The following CELSR1 variants were observed in gnomAD, a reference collection of about 807,000 sequenced individuals.
CELSR1 encodes the protein cadherin EGF LAG seven-pass G-type receptor 1.
In CELSR1, 110 loss-of-function variants were observed where a neutral mutation model predicts 249.1. The ratio of observed to expected loss-of-function variants is 0.44; its 90% CI spans 0.38 to 0.52. The LOEUF (loss-of-function observed/expected upper bound fraction) is 0.52. Ranked by LOEUF, CELSR1 falls within the 20% of genes least tolerant of loss-of-function variation. The probability of loss-of-function intolerance (pLI) is 0.00; values close to 1 mark genes in which losing one functional copy is unlikely to be tolerated. For missense variants in CELSR1, 4,109 were observed against 4,296.4 expected (o/e 0.96, Z 1.22); for synonymous variants, 2,113 against 1,900.0 (o/e 1.11, Z -2.92).
rs141034088 is a variant in CELSR1, at chr22:46,397,136, C to T, written c.5702-390G>A. On this transcript the variant is annotated intron_variant, in intron 12 of 34. Coordinates refer to ENST00000674500, the MANE Select transcript of CELSR1 (RefSeq NM_001378328.1). ...TATTTATTTATTGAGAAGAGTCTTG[C>T]TCTGTTGCCCAGGCTGAGGTGCAGT... 9.7e-3 allele frequency among the ~76,000 whole-genome samples: 1,478 copies of T among 152,192 alleles called. 33 individuals carry two copies. Among genetic ancestry groups the T allele is most frequent in the African/African-American group, 0.033 (1,384 of 41,498 alleles).
Position 46,484,561 on chromosome 22 carries a change from TG to T in CELSR1, c.3545-20217del, listed in dbSNP as rs1325228784. Among the ~76,000 whole-genome samples the T allele has an allele frequency of 6.6e-6, 1 of 150,756 alleles. No individual in the cohort carries two copies. The highest frequency in any genetic ancestry group is 2.4e-5 in the African/African-American group (1 of 41,168). Reference sequence around the variant, plus strand: ...TAGGGTTAGTGCCTCAAGTTAGAGCTGGGGGCAGCCCGGGACAGCCTGGCAA... The same window carrying T: ...TAGGGTTAGTGCCTCAAGTTAGAGCTGGGGCAGCCCGGGACAGCCTGGCAA... On this transcript the variant is annotated intron_variant, in intron 1 of 34. Coordinates refer to ENST00000674500, the MANE Select transcript of CELSR1 (RefSeq NM_001378328.1). This position sits in a 1 kb window ranked among gnomAD's most constrained non-coding sequence, Gnocchi z 4.5.
At chr22:46,384,733 T>C in intron 19 of CELSR1, 47 bp from the exon 20 acceptor site, 4 of 1,564,782 alleles carry the variant, frequency 2.6e-6, no homozygotes, top group Non-Finnish European at 3.5e-6. Flanking sequence ...AGGGCTTTCT[T>C]GAACCCCTGC....
chr22:46,478,646 G>A (rs551754032), intron 1 of CELSR1, among the ~76,000 whole-genome samples: 10 of 151,496 alleles, frequency 6.6e-5, no homozygotes, highest in African/African-American at 1.9e-4. Flanking sequence ...GGGTTCAAGC[G>A]ATTCTCCTGC....
At chr22:46,456,677 A>C (rs2079957243) in intron 2 of CELSR1, among the ~76,000 whole-genome samples, 1 of 150,974 alleles carries the variant, frequency 6.6e-6, no homozygotes, top group Admixed American at 6.6e-5. Context: ...AAAAAAAAAA[A>C]AAAAAAAAAA....
Position 46,389,242 on chromosome 22 carries a change from C to T in CELSR1, c.6555+48G>A, listed in dbSNP as rs9626864. ...CCCACAGCACCCACCCACGGGCATC[C>T]GAGTGTCCCCGAGTGTCCCCGAGCC... On this transcript the variant is annotated intron_variant, in intron 18 of 34. Transcript: ENST00000674500. The T allele has an allele frequency of 1.8e-3, 2,791 of 1,587,108 alleles. 49 individuals are homozygous for T. The African/African-American group carries it at 0.031, about 18-fold the overall frequency.
At position 46,384,559 on chromosome 22, in the gene CELSR1, T is replaced by C; in HGVS notation, c.6867A>G (p.Arg2289=). ...CGGTTTTACCTTTTTCTTCAGGTGG[T>C]CTGAAGAAGTCGGCTGGGAAGGAGA... is the stretch of plus-strand genomic sequence containing the variant. ...SSVSFPADFF[R]PPEEKEGPLL... is the part of the protein sequence containing the mutation. The change falls in exon 20 of 35, where the codon AGA becomes AGG. Residue 2289 remains arginine (R), a synonymous_variant. Transcript: ENST00000674500. 6.2e-7 allele frequency: 1 copy of C among 1,610,864 alleles called. No individual in the cohort carries two copies. The highest frequency in any genetic ancestry group is 8.5e-7 in the Non-Finnish European group (1 of 1,178,622).
In CELSR1 at chr22:46,398,141, G is replaced by C. The variant is rs2079171316; in HGVS notation, c.5527-293C>G. 1.3e-5 allele frequency among the ~76,000 whole-genome samples: 2 copies of C among 152,092 alleles called. No homozygotes were observed. Among genetic ancestry groups the C allele is most frequent in the African/African-American group, 4.8e-5 (2 of 41,404 alleles). On this transcript the variant is annotated intron_variant, in intron 11 of 34. Transcript: ENST00000674500. The surrounding 1 kb of genome is among the most constrained non-coding windows in gnomAD (Gnocchi z 7.2). ...AGGGGGCTGAGAGCTGAACGACTCA[G>C]AGCAGCTCCCTCGGCCGTAGCTGGA...
At chr22:46,444,749 T>C (rs2079798192) in intron 2 of CELSR1, among the ~76,000 whole-genome samples, 1 of 152,164 alleles carries the variant, frequency 6.6e-6, no homozygotes, top group Non-Finnish European at 1.5e-5. Context: ...GAGTCCAAAA[T>C]CAAGGTATCA....
chr22:46,384,228 G>A (rs1230592265), intron 20 of CELSR1, among the ~76,000 whole-genome samples: 2 of 152,236 alleles, frequency 1.3e-5, no homozygotes, highest in African/African-American at 2.4e-5. Flanking sequence ...GAGCCGCCGC[G>A]CCTGGCCTGG....
In CELSR1 at chr22:46,408,096, G is replaced by A. The variant is rs1164294475; in HGVS notation, c.5226+900C>T. On this transcript the variant is annotated intron_variant, in intron 9 of 34. Transcript: ENST00000674500. This position sits in a 1 kb window ranked among gnomAD's most constrained non-coding sequence, Gnocchi z 4.6. Reference sequence around the variant, plus strand: ...AGTGTCTACGGAGCATGGAAGATGCGAGCAGAAACCGTGTGGCGCAGAAAA... The same window carrying A: ...AGTGTCTACGGAGCATGGAAGATGCAAGCAGAAACCGTGTGGCGCAGAAAA... Among the ~76,000 whole-genome samples the A allele has an allele frequency of 6.6e-6, 1 of 152,214 alleles. No individual in the cohort carries two copies. The highest frequency in any genetic ancestry group is 1.5e-5 in the Non-Finnish European group (1 of 68,034).
intron 1 of CELSR1, among the ~76,000 whole-genome samples, chr22:46,465,148 G>A (rs2080082557): frequency 6.6e-6 from 1 of 152,108 alleles, no homozygotes; most frequent in Non-Finnish European, 1.5e-5. Context: ...TGGGTCATGG[G>A]TACCAGTGGC....
chr22:46,489,754 G>A (rs978577587), intron 1 of CELSR1, among the ~76,000 whole-genome samples: 1 of 151,908 alleles, frequency 6.6e-6, no homozygotes, highest in African/African-American at 2.4e-5. Flanking sequence ...CTCTAGCGGG[G>A]CGTGGTGGTG....
chr22:46,425,239 T>G (rs2079523831), intron 5 of CELSR1, among the ~76,000 whole-genome samples: 1 of 152,228 alleles, frequency 6.6e-6, no homozygotes, highest in African/African-American at 2.4e-5. Flanking sequence ...TCTATATTCA[T>G]GAGGAACAGT....
chr22:46,481,568 C>G, intron 1 of CELSR1: 1 of 987,218 alleles, frequency 1.0e-6, no homozygotes, highest in Non-Finnish European at 1.6e-6. Context: ...GCCAGAGGCA[C>G]ATGGTGGCAC....
At chr22:46,449,918 C>T (rs1255050554) in intron 2 of CELSR1, among the ~76,000 whole-genome samples, 1 of 149,992 alleles carries the variant, frequency 6.7e-6, no homozygotes, top group African/African-American at 2.5e-5. Context: ...CTCCAACATA[C>T]ATGGCTCACG....
chr22:46,384,227 C>T (rs1047919829), intron 20 of CELSR1, among the ~76,000 whole-genome samples: 11 of 152,232 alleles, frequency 7.2e-5, no homozygotes, highest in African/African-American at 2.7e-4. Flanking sequence ...TGAGCCGCCG[C>T]GCCTGGCCTG....
chr22:46,397,756 G>T lies in CELSR1; in HGVS notation c.5619C>A (p.Asp1873Glu). The T allele has an allele frequency of 1.2e-6, 2 of 1,600,540 alleles. No individual in the cohort carries two copies. Among genetic ancestry groups the T allele is most frequent in the Non-Finnish European group, 1.7e-6 (2 of 1,173,078 alleles). Residue 1873 changes from aspartate (D) to glutamate (E), a missense_variant, in exon 12 of 35, where the codon GAC (aspartate) becomes GAA (glutamate). Asp to Glu is a conservative substitution (Grantham distance 45). Around this residue, in one of 7 missense-constraint regions of CELSR1, gnomAD observed 1,805 missense variants for 1,831.6 expected, o/e 0.99. Coordinates refer to ENST00000674500, the MANE Select transcript of CELSR1 (RefSeq NM_001378328.1). ...KVRVKDGCDVDDPCTSSPCPP... is the reference protein window; with the variant it reads ...KVRVKDGCDVEDPCTSSPCPP... ...GACAGGGGCTCGAGGTACAGGGGTC[G>T]TCCACATCACAGCCGTCCTTCACCC...
Position 46,389,417 on chromosome 22 carries a change from T to C in CELSR1, c.6428A>G (p.Gln2143Arg). The change falls in exon 18 of 35, where the codon CAG (glutamine) becomes CGG (arginine). Residue 2143 changes from glutamine (Q) to arginine (R), a missense_variant. Physicochemically the swap from Gln to Arg is conservative, Grantham distance 43. This residue lies in a region of CELSR1 where 1,805 missense variants were observed against 1,831.6 expected (regional missense o/e 0.99). Coordinates refer to ENST00000674500, the MANE Select transcript of CELSR1 (RefSeq NM_001378328.1). ...ATTGCCAAAGAGCGTGCCCGTGTGC[T>C]GTGTAGCACTGCGCAGCGCCCTCAC... is the stretch of plus-strand genomic sequence containing the variant. ...QLVRALRSATQHTGTLFGNDV... is the reference protein window; with the variant it reads ...QLVRALRSATRHTGTLFGNDV... The C allele has an allele frequency of 6.2e-7, 1 of 1,612,738 alleles. No homozygotes were observed. Among genetic ancestry groups the C allele is most frequent in the East Asian group, 2.2e-5 (1 of 44,882 alleles).
At chr22:46,418,284 C>T (rs2079426218) in intron 5 of CELSR1, among the ~76,000 whole-genome samples, 2 of 152,092 alleles carry the variant, frequency 1.3e-5, no homozygotes, top group Non-Finnish European at 2.9e-5. Flanking sequence ...AGTTTGCGAC[C>T]AGCCTGGCCA....
Sources: allele counts gnomAD v4.1 joint callset (sites outside exome capture counted in the v4.1 genomes callset), GRCh38; gene constraint gnomAD v4.1.1; regional missense constraint gnomAD v4.1.1; non-coding constraint Gnocchi (gnomAD v3.1); transcripts MANE v1.5; gene names NCBI Gene and HGNC (gene_info 2026-07-23, HGNC 2026-07-21).